The following STARD9 variants were observed in gnomAD, a reference collection of about 807,000 sequenced individuals.
STARD9 encodes StAR related lipid transfer domain containing 9.
STARD9 carries 346 observed loss-of-function variants against 399.8 expected under a neutral mutation model. That is an observed-to-expected ratio of 0.87 (90% CI 0.79 to 0.95). STARD9 has a LOEUF of 0.95. Among genes scored for constraint, STARD9 ranks in the 40% least tolerant of loss-of-function variants. STARD9 has a pLI of 0.00. For missense variants in STARD9, 5,832 were observed against 5,667.5 expected, an observed-to-expected ratio of 1.03 and a Z score of -0.93; for synonymous variants, 2,203 against 2,143.5, an observed-to-expected ratio of 1.03 and a Z score of -0.77.
At chr15:42,638,650 C>G in intron 6 of STARD9, 50 bp from the exon 7 acceptor site, 1 of 1,313,800 alleles carries the variant, frequency 7.6e-7, no homozygotes, top group Non-Finnish European at 1.0e-6. Flanking sequence ...AATGTTGTTT[C>G]TACTTTTTTT....
intron 3 of STARD9, among the ~76,000 whole-genome samples, chr15:42,593,976 T>A (rs2058454942): frequency 6.6e-6 from 1 of 152,154 alleles, no homozygotes; most frequent in Non-Finnish European, 1.5e-5. Flanking sequence ...GTGCTTCTTG[T>A]TGTTTTAATA....
Position 42,716,972 on chromosome 15 carries a change from T to C in STARD9, c.13418T>C (p.Leu4473Pro). 1 of 1,537,272 alleles carries C rather than the reference T, an allele frequency of 6.5e-7. No homozygotes were observed. The highest frequency in any genetic ancestry group is 2.0e-5 in the Admixed American group (1 of 51,006). The stretch of plus-strand genomic sequence containing the variant: ...AGTTGCTGCTGTTCACCATCCAGTC[T>C]GTCCAGCTTGGGGACCTGCTTTTCC... ...LGSCCCSPSS[L>P]SSLGTCFSSS... The change falls in exon 28 of 33, where the codon CTG becomes CCG. Residue 4473 changes from leucine (L) to proline (P), a missense_variant. Physicochemically the swap from Leu to Pro is moderately conservative, Grantham distance 98. Transcript: ENST00000290607.
chr15:42,592,028 C>T (rs1384589801), intron 3 of STARD9, among the ~76,000 whole-genome samples: 1 of 152,230 alleles, frequency 6.6e-6, no homozygotes, highest in African/African-American at 2.4e-5. Flanking sequence ...GTCATTTCCA[C>T]TAAACCTCAC....
Position 42,610,634 on chromosome 15 carries a change from C to T in STARD9, c.235-24222C>T, listed in dbSNP as rs1163483352. Among the ~76,000 whole-genome samples the T allele has an allele frequency of 4.6e-5, 7 of 152,254 alleles. No individual in the cohort carries two copies. The East Asian group carries it at 9.6e-4, about 21-fold the overall frequency. On this transcript the variant is annotated intron_variant, in intron 3 of 32. Coordinates refer to ENST00000290607, the MANE Select transcript of STARD9 (RefSeq NM_020759.3). ...CGCAATCTTGGCTCACTGCAACCTC[C>T]GCCGCCCGGGTTCAAGCTTCTCCTG...
rs147381465 is a variant in STARD9 at position 42,692,016 on chromosome 15, C to G, written c.10438C>G (p.Arg3480Gly). 4 of 1,537,204 alleles carry G rather than the reference C, an allele frequency of 2.6e-6. No individual in the cohort carries two copies. Among genetic ancestry groups the G allele is most frequent in the Non-Finnish European group, 3.5e-6 (4 of 1,146,908 alleles). Residue 3480 changes from arginine to glycine, a missense_variant, in exon 23 of 33, where the codon CGT becomes GGT. Physicochemically the swap from Arg to Gly is moderately radical, Grantham distance 125. This residue lies in a region of STARD9 where 5,828 missense variants were observed against 5,651.1 expected (regional missense o/e 1.03). Transcript: ENST00000290607. ...GCCGTGGCGTCCGGAGGAGCCTGCACGTATCAGCTGGAAGCAGTATATGTC... is the reference window on the plus strand; with the variant it reads ...GCCGTGGCGTCCGGAGGAGCCTGCAGGTATCAGCTGGAAGCAGTATATGTC... ...ALPWRPEEPARISWKQYMSGS... is the reference protein window; with the variant it reads ...ALPWRPEEPAGISWKQYMSGS...
rs2060783819 is a variant in STARD9 at position 42,694,086 on chromosome 15, A to G, written c.12508A>G (p.Ser4170Gly). 23 of 1,537,034 alleles carry G rather than the reference A, an allele frequency of 1.5e-5. No homozygotes were observed. The highest frequency in any genetic ancestry group is 1.9e-5 in the Non-Finnish European group (22 of 1,146,838). ...EEELGASGDL[S>G]SEKQEQSPPQ... ...GGAGCTGGGGGCCAGCGGTGATCTC[A>G]GCTCTGAAAAGCAGGAACAGAGTCC... Residue 4170 changes from serine (S) to glycine (G), a missense_variant, in exon 23 of 33, where the codon AGC becomes GGC. By Grantham distance (56) the Ser-to-Gly change is moderately conservative. This residue lies in a region of STARD9 where 5,828 missense variants were observed against 5,651.1 expected (regional missense o/e 1.03). Transcript: ENST00000290607.
rs2061390130 is a variant in STARD9, at chr15:42,718,369, C to T, written c.13763-66C>T. On this transcript the variant is annotated intron_variant, in intron 30 of 32. Transcript: ENST00000290607. ...GGGTGTTGGGGGGAGGGCTCCCTGA[C>T]CAGGAAGGCTTTAGGACTAGGTCTG... 2.9e-6 allele frequency: 4 copies of T among 1,382,366 alleles called. No individual in the cohort carries two copies. The Admixed American group carries it at 5.9e-5, about 21-fold the overall frequency. 85.6% of individuals were successfully genotyped at this position (1,382,366 alleles called of 1,614,324 possible).
chr15:42,675,935 G>A lies in STARD9; in HGVS notation c.1834G>A (p.Ala612Thr). 6.5e-7 allele frequency: 1 copy of A among 1,536,960 alleles called. No individual in the cohort carries two copies. Among genetic ancestry groups the A allele is most frequent in the Non-Finnish European group, 8.7e-7 (1 of 1,146,858 alleles). The change falls in exon 20 of 33, where the codon GCC becomes ACC. Residue 612 changes from alanine to threonine, a missense_variant. Ala to Thr is a moderately conservative substitution (Grantham distance 58, BLOSUM62 0). Around this residue, in one of 2 missense-constraint regions of STARD9, gnomAD observed 5,828 missense variants for 5,651.1 expected, o/e 1.03. Transcript: ENST00000290607. The part of the protein sequence containing the change: ...EWLDLDGDLA[A>T]SRLGLSPLLW... ...GCTGGATTTGGATGGAGATCTCGCT[G>A]CCTCCCGGCTGGGTCTCTCCCCTTT...
chr15:42,582,596 G>T (rs1180528537), intron 1 of STARD9, among the ~76,000 whole-genome samples: 1 of 152,170 alleles, frequency 6.6e-6, no homozygotes, highest in Non-Finnish European at 1.5e-5. Flanking sequence ...CAGCAGAGAG[G>T]ATTCCAATAC....
chr15:42,690,857 A>G lies in STARD9; in HGVS notation c.9279A>G (p.Gln3093=). Residue 3093 remains glutamine (Q), a synonymous_variant, in exon 23 of 33, where the codon CAA becomes CAG. Transcript: ENST00000290607. The part of the protein sequence containing the change: ...GVPEKKVAEK[Q]ASTELEAASF... ...CTGAGAAAAAGGTTGCTGAGAAGCAAGCAAGCACAGAACTTGAGGCTGCCT... is the reference window on the plus strand; with the variant it reads ...CTGAGAAAAAGGTTGCTGAGAAGCAGGCAAGCACAGAACTTGAGGCTGCCT... The G allele has an allele frequency of 6.5e-7, 1 of 1,537,184 alleles. No homozygotes were observed. The highest frequency in any genetic ancestry group is 1.4e-5 in the African/African-American group (1 of 73,128).
chr15:42,682,064 G>A, intron 21 of STARD9, 40 bp from the exon 22 acceptor site: 2 of 1,353,666 alleles, frequency 1.5e-6, no homozygotes, highest in East Asian at 2.5e-5. Context: ...AAGCAGGGAA[G>A]GAGATGCTGA....
intron 26 of STARD9, among the ~76,000 whole-genome samples, chr15:42,712,081 T>TATATAATATATAATATATAA (rs57090140): frequency 2.6e-5 from 1 of 39,154 alleles, no homozygotes; most frequent in Non-Finnish European, 3.6e-5. Context: ...TATATATATA[T>TATATAATATATAATATATAA]TATATATATA....
At chr15:42,627,671 G>A (rs1201832234) in intron 3 of STARD9, among the ~76,000 whole-genome samples, 1 of 151,920 alleles carries the variant, frequency 6.6e-6, no homozygotes, top group South Asian at 2.1e-4. Flanking sequence ...TTAATTTTTA[G>A]CTCCCACAAG....
intron 20 of STARD9, 73 bp downstream of exon 20, chr15:42,676,048 G>A: frequency 4.0e-6 from 4 of 1,010,574 alleles, no homozygotes; most frequent in Non-Finnish European, 5.9e-6. Flanking sequence ...CATGGATCAG[G>A]GTGGGGGTGG....
intron 26 of STARD9, among the ~76,000 whole-genome samples, chr15:42,699,810 G>T (rs545440188): frequency 6.6e-6 from 1 of 151,894 alleles, no homozygotes; most frequent in Non-Finnish European, 1.5e-5. Flanking sequence ...GGGTTCAAGC[G>T]ATTCTCATGC....
chr15:42,696,611 A>G (rs1438636340), intron 26 of STARD9, among the ~76,000 whole-genome samples: 1 of 152,226 alleles, frequency 6.6e-6, no homozygotes, highest in Non-Finnish European at 1.5e-5. Context: ...TAGTAAGAAA[A>G]GGAGGCAGGA....
In STARD9 at chr15:42,575,681, G is replaced by T; in HGVS notation, c.-35G>T. 4 of 1,535,714 alleles carry T rather than the reference G, an allele frequency of 2.6e-6. No homozygotes were observed. The highest frequency in any genetic ancestry group is 3.5e-6 in the Non-Finnish European group (4 of 1,146,528). ...GGCGGGGGCCTGGGATGCTGCCGCT[G>T]AGCTGACCCGCTGGACTTGGGTTGT... On this transcript the variant is annotated 5_prime_UTR_variant, in exon 1 of 33. Coordinates refer to ENST00000290607, the MANE Select transcript of STARD9 (RefSeq NM_020759.3).
chr15:42,714,302 G>A (rs570531454), intron 26 of STARD9, among the ~76,000 whole-genome samples: 5 of 151,942 alleles, frequency 3.3e-5, no homozygotes, highest in African/African-American at 1.2e-4. Flanking sequence ...TCCTGACCTC[G>A]TGATCCACCC....
Position 42,690,458 on chromosome 15 carries a change from A to G in STARD9, c.8880A>G (p.Gln2960=), listed in dbSNP as rs1481933960. 11 of 1,537,140 alleles carry G rather than the reference A, an allele frequency of 7.2e-6. No individual in the cohort carries two copies. Among genetic ancestry groups the G allele is most frequent in the East Asian group, 2.4e-5 (1 of 40,916 alleles). ...CTTGCCGACAGCCATGCAGTTCTCA[A>G]CCTGTTGCTACTCATGCTTATTCCT... ...TLPCRQPCSS[Q]PVATHAYSSH... is the part of the protein sequence containing the mutation. The change falls in exon 23 of 33, where the codon CAA becomes CAG. Residue 2960 remains glutamine, a synonymous_variant. Transcript: ENST00000290607.
Sources: allele counts gnomAD v4.1 joint callset (sites outside exome capture counted in the v4.1 genomes callset), GRCh38; gene constraint gnomAD v4.1.1; regional missense constraint gnomAD v4.1.1; transcripts MANE v1.5; gene names NCBI Gene and HGNC (gene_info 2026-07-23, HGNC 2026-07-21).